KCNT2: variants seen among roughly 807,000 people sequenced by gnomAD.
KCNT2 encodes potassium channel subfamily T member 2.
KCNT2 carries 67 observed loss-of-function variants against 153.8 expected under a neutral mutation model. That is an observed-to-expected ratio of 0.44 (90% confidence interval 0.36 to 0.53). The LOEUF (loss-of-function observed/expected upper bound fraction) is 0.53, where lower values mean the gene tolerates loss of function less well. Ranked by LOEUF, KCNT2 falls within the 20% of genes least tolerant of loss-of-function variation. The probability of loss-of-function intolerance (pLI) is 0.00; values close to 1 mark genes in which losing one functional copy is unlikely to be tolerated. For missense variants in KCNT2, 975 were observed against 1,354.8 expected, an observed-to-expected ratio of 0.72 and a Z score of 4.40; for synonymous variants, 500 against 458.8, an observed-to-expected ratio of 1.09 and a Z score of -1.15.
chr1:196,252,708 G>A (rs550448494), intron 26 of KCNT2, among the ~76,000 whole-genome samples: 20 of 151,368 alleles, frequency 1.3e-4, no homozygotes, highest in African/African-American at 4.6e-4. Context: ...ATTCCACCTG[G>A]CATCATTTTT....
chr1:196,235,999 G>A lies in KCNT2; in HGVS notation c.3283C>T (p.Leu1095=). 1 of 1,589,790 alleles carries A rather than the reference G, an allele frequency of 6.3e-7. No homozygotes were observed. Among genetic ancestry groups the A allele is most frequent in the Non-Finnish European group, 8.6e-7 (1 of 1,159,128 alleles). The change falls in exon 27 of 28, where the codon CTG becomes TTG. Residue 1095 remains leucine (L), a synonymous_variant. Coordinates refer to ENST00000294725, the MANE Select transcript of KCNT2 (RefSeq NM_198503.5). Reference sequence around the variant, plus strand: ...AGATCAACTTACACAACATCATTCAGCTCTATTCTGGTATCTGGAGATGGG... The same window carrying A: ...AGATCAACTTACACAACATCATTCAACTCTATTCTGGTATCTGGAGATGGG... The part of the protein sequence containing the change: ...INPSPDTRIE[L]NDVVYLIRPD...
chr1:196,521,580 A>G (rs1248040029), intron 1 of KCNT2, among the ~76,000 whole-genome samples: 1 of 152,228 alleles, frequency 6.6e-6, no homozygotes, highest in Non-Finnish European at 1.5e-5. Context: ...TGAAAAAAGA[A>G]AATGTGGTAT....
chr1:196,261,836 T>C (rs77978295), intron 25 of KCNT2, among the ~76,000 whole-genome samples: 1 of 151,848 alleles, frequency 6.6e-6, no homozygotes, highest in Non-Finnish European at 1.5e-5. Flanking sequence ...ATCGTTAACT[T>C]GAAAAATCAA....
rs530784689 is a variant in KCNT2, at chr1:196,519,703, T to A, written c.96-27362A>T. Among the ~76,000 whole-genome samples the A allele has an allele frequency of 5.9e-5, 9 of 152,176 alleles. No homozygotes were observed. The South Asian group carries it at 1.0e-3, about 18-fold the overall frequency. On this transcript the variant is annotated intron_variant, in intron 1 of 27. Coordinates refer to ENST00000294725, the MANE Select transcript of KCNT2 (RefSeq NM_198503.5). Reference sequence around the variant, plus strand: ...AACTAGAAAACCTAGATGAGATGGATAAATTCCTGAACACATACACCCTCC... The same window carrying A: ...AACTAGAAAACCTAGATGAGATGGAAAAATTCCTGAACACATACACCCTCC...
At chr1:196,521,264 G>A (rs1653353399) in intron 1 of KCNT2, among the ~76,000 whole-genome samples, 1 of 152,280 alleles carries the variant, frequency 6.6e-6, no homozygotes, top group East Asian at 1.9e-4. Context: ...ACACCAGTAA[G>A]AATGGCTATT....
At chr1:196,561,043 T>C (rs1659311083) in intron 1 of KCNT2, among the ~76,000 whole-genome samples, 1 of 151,936 alleles carries the variant, frequency 6.6e-6, no homozygotes, top group African/African-American at 2.4e-5. Flanking sequence ...AGTTTTGTAT[T>C]ATAAAATAAT....
At chr1:196,555,914 T>C (rs1050462059) in intron 1 of KCNT2, among the ~76,000 whole-genome samples, 12 of 151,526 alleles carry the variant, frequency 7.9e-5, no homozygotes, top group Non-Finnish European at 1.6e-4. Context: ...GGACAGTCTC[T>C]TCTATAAATA....
intron 7 of KCNT2, among the ~76,000 whole-genome samples, chr1:196,467,100 A>G (rs1215203905): frequency 6.6e-6 from 1 of 152,014 alleles, no homozygotes; most frequent in Non-Finnish European, 1.5e-5. Context: ...GAGACTACCT[A>G]CAATTAAGAG....
At chr1:196,504,856 T>C (rs989064727) in intron 1 of KCNT2, among the ~76,000 whole-genome samples, 8 of 152,376 alleles carry the variant, frequency 5.3e-5, no homozygotes, top group Admixed American at 1.3e-4. Flanking sequence ...CATTTTTTTA[T>C]GTGTTTTTTG....
At chr1:196,428,966 A>C in intron 9 of KCNT2, among the ~76,000 whole-genome samples, 1 of 149,238 alleles carries the variant, frequency 6.7e-6, no homozygotes. Flanking sequence ...CTCCCTACTC[A>C]CTCCCCAAAG....
chr1:196,238,895 C>T (rs1392590191), intron 26 of KCNT2, among the ~76,000 whole-genome samples: 1 of 151,798 alleles, frequency 6.6e-6, no homozygotes, highest in Admixed American at 6.6e-5. Context: ...ACATCAAAAC[C>T]ACATTCAACA....
chr1:196,315,682 G>T (rs74136510), intron 21 of KCNT2, among the ~76,000 whole-genome samples: 20,888 of 151,592 alleles, frequency 0.14, 2,456 homozygotes, highest in African/African-American at 0.32. Context: ...CATTCAATTT[G>T]TTTTATGAGA....
intron 8 of KCNT2, among the ~76,000 whole-genome samples, chr1:196,437,300 A>G (rs1461191687): frequency 3.0e-5 from 4 of 132,486 alleles, no homozygotes; most frequent in African/African-American, 1.1e-4. Flanking sequence ...TAATATATAT[A>G]AATATATTTA....
At chr1:196,583,991 G>A (rs10922089) in intron 1 of KCNT2, among the ~76,000 whole-genome samples, 151,892 of 151,998 alleles carry the variant, frequency 1, 75,893 homozygotes, top group Middle Eastern at 1. Flanking sequence ...ATGTTGCCAC[G>A]TAAGTTTCCA....
At chr1:196,292,293 A>G (rs1660252622) in intron 22 of KCNT2, among the ~76,000 whole-genome samples, 1 of 152,206 alleles carries the variant, frequency 6.6e-6, no homozygotes, top group African/African-American at 2.4e-5. Context: ...AAAACTCTCA[A>G]CAAATAAGGC....
chr1:196,265,036 T>A (rs1439615782), intron 25 of KCNT2, among the ~76,000 whole-genome samples: 1 of 152,174 alleles, frequency 6.6e-6, no homozygotes, highest in Non-Finnish European at 1.5e-5. Context: ...TCACTCTCCA[T>A]GGAAAGCCTC....
intron 22 of KCNT2, among the ~76,000 whole-genome samples, chr1:196,298,845 C>T (rs1171283878): frequency 3.4e-5 from 5 of 149,170 alleles, no homozygotes; most frequent in Non-Finnish European, 7.4e-5. Context: ...ACTCCTATCA[C>T]ACAGAAAATT....
At chr1:196,452,532 C>T (rs1676309837) in intron 8 of KCNT2, among the ~76,000 whole-genome samples, 1 of 151,916 alleles carries the variant, frequency 6.6e-6, no homozygotes. Context: ...CACTCAGCTC[C>T]ATATCAGCTT....
intron 25 of KCNT2, among the ~76,000 whole-genome samples, chr1:196,269,992 A>G (rs138424700): frequency 2.2e-4 from 33 of 152,202 alleles, no homozygotes; most frequent in Non-Finnish European, 8.8e-5. Context: ...GACTCCATTT[A>G]TGTCACTAAT....
Sources: allele counts gnomAD v4.1 joint callset (sites outside exome capture counted in the v4.1 genomes callset), GRCh38; gene constraint gnomAD v4.1.1; transcripts MANE v1.5; gene names NCBI Gene and HGNC (gene_info 2026-07-23, HGNC 2026-07-21).